GSTCD: variants seen among roughly 807,000 people sequenced by gnomAD.
The protein encoded by GSTCD is glutathione S-transferase C-terminal domain containing.
A neutral mutation model predicts 68.3 loss-of-function variants in GSTCD; 44 were observed. That is an observed-to-expected ratio of 0.64 (90% CI 0.51 to 0.83). The LOEUF (loss-of-function observed/expected upper bound fraction) is 0.83, where lower values mean the gene tolerates loss of function less well. Among genes scored for constraint, GSTCD ranks in the 40% least tolerant of loss-of-function variants. The probability of loss-of-function intolerance (pLI) is 0.00; values close to 1 mark genes in which losing one functional copy is unlikely to be tolerated. For missense variants in GSTCD, 739 were observed against 735.9 expected (o/e 1.00, Z -0.05); for synonymous variants, 273 against 255.2 (o/e 1.07, Z -0.67).
chr4:105,744,461 ATATT>A (rs1330389813), intron 5 of GSTCD, among the ~76,000 whole-genome samples: 2 of 152,154 alleles, frequency 1.3e-5, no homozygotes, highest in African/African-American at 4.8e-5. Flanking sequence ...TCATCCTTCT[ATATT>A]TATTAGTTGC....
intron 5 of GSTCD, chr4:105,746,331 T>G (rs1363269911): frequency 6.6e-6 from 1 of 152,072 alleles, no homozygotes. Flanking sequence ...TTTAGGTAAG[T>G]TAAGGATGAG....
intron 5 of GSTCD, among the ~76,000 whole-genome samples, chr4:105,801,125 G>T (rs1350324576): frequency 6.6e-6 from 1 of 152,082 alleles, no homozygotes; most frequent in African/African-American, 2.4e-5. Flanking sequence ...AAGGATACTT[G>T]TTTATAATAT....
At chr4:105,768,265 C>T (rs189822279) in intron 5 of GSTCD, among the ~76,000 whole-genome samples, 1,826 of 152,078 alleles carry the variant, frequency 0.012, 42 homozygotes, top group African/African-American at 0.042. Context: ...CTCCTGACCT[C>T]GTGATCCGCC....
chr4:105,843,098 G>C (rs1311924256), intron 11 of GSTCD, among the ~76,000 whole-genome samples: 2 of 152,140 alleles, frequency 1.3e-5, no homozygotes, highest in African/African-American at 4.8e-5. Context: ...TTCTTTGGCT[G>C]AGCACCAGAT....
At chr4:105,769,233 GCACAC>G (rs1311681323) in intron 5 of GSTCD, among the ~76,000 whole-genome samples, 2 of 146,230 alleles carry the variant, frequency 1.4e-5, no homozygotes, top group African/African-American at 5.1e-5. Context: ...ATACACGCGC[GCACAC>G]ACACACACAC....
At chr4:105,832,364 A>G (rs1165732714) in intron 8 of GSTCD, among the ~76,000 whole-genome samples, 2 of 152,216 alleles carry the variant, frequency 1.3e-5, no homozygotes, top group Middle Eastern at 3.4e-3. Context: ...TCGACCAAAA[A>G]CCTATTATTA....
intron 5 of GSTCD, among the ~76,000 whole-genome samples, chr4:105,799,929 C>T (rs1184844761): frequency 6.6e-6 from 1 of 151,834 alleles, no homozygotes; most frequent in Non-Finnish European, 1.5e-5. Context: ...ATTGAGTACA[C>T]ATAGACACAA....
chr4:105,765,455 G>A (rs1734568177), intron 5 of GSTCD, among the ~76,000 whole-genome samples: 1 of 152,160 alleles, frequency 6.6e-6, no homozygotes, highest in Non-Finnish European at 1.5e-5. Context: ...TTCATTTAGA[G>A]GTGCACCAGT....
intron 5 of GSTCD, among the ~76,000 whole-genome samples, chr4:105,733,492 A>G (rs1194121559): frequency 6.6e-6 from 1 of 152,214 alleles, no homozygotes; most frequent in Non-Finnish European, 1.5e-5. Context: ...CTGTTTTAAC[A>G]GAGACTAGGA....
intron 3 of GSTCD, among the ~76,000 whole-genome samples, chr4:105,722,764 T>G (rs963578390): frequency 6.6e-6 from 1 of 151,922 alleles, no homozygotes; most frequent in African/African-American, 2.4e-5. Flanking sequence ...GTTTTAAAAA[T>G]AGATCATCTT....
intron 5 of GSTCD, among the ~76,000 whole-genome samples, chr4:105,735,261 C>T (rs1462419628): frequency 6.6e-6 from 1 of 152,190 alleles, no homozygotes; most frequent in African/African-American, 2.4e-5. Flanking sequence ...CCGCTGTGCC[C>T]TGCCCCCAGA....
At chr4:105,827,650 A>C (rs1578516316) in intron 8 of GSTCD, among the ~76,000 whole-genome samples, 1 of 152,296 alleles carries the variant, frequency 6.6e-6, no homozygotes, top group East Asian at 1.9e-4. Flanking sequence ...ATACACACAA[A>C]AAAATTTAAA....
At chr4:105,811,693 GA>G (rs949223287) in intron 5 of GSTCD, among the ~76,000 whole-genome samples, 69 of 147,558 alleles carry the variant, frequency 4.7e-4, no homozygotes, top group Middle Eastern at 3.4e-3. Flanking sequence ...ATAAAAGAAA[GA>G]AAAAAAAAAT....
intron 5 of GSTCD, among the ~76,000 whole-genome samples, chr4:105,785,278 G>T (rs1001946113): frequency 9.2e-5 from 14 of 152,058 alleles, no homozygotes; most frequent in Admixed American, 9.2e-4. Flanking sequence ...AAAGAAAACA[G>T]AGTAGCATCT....
intron 1 of GSTCD, among the ~76,000 whole-genome samples, chr4:105,715,713 G>C (rs891552824): frequency 7.8e-6 from 1 of 127,902 alleles, no homozygotes; most frequent in East Asian, 2.1e-4. Flanking sequence ...AGAAAATTTA[G>C]TATGATGAAG....
In GSTCD at chr4:105,719,213, A is replaced by G. The variant is rs766270192; in HGVS notation, c.580A>G (p.Lys194Glu). Residue 194 changes from lysine to glutamate, a missense_variant, in exon 3 of 12, where the codon AAA becomes GAA. Physicochemically the swap from Lys to Glu is moderately conservative, Grantham distance 56 (BLOSUM62 1). Transcript: ENST00000515279. ...SEPVRVHNDD[K>E]LRRQKLKQQK... The stretch of plus-strand genomic sequence containing the variant: ...GCCTGTTAGAGTGCATAATGATGAT[A>G]AACTCCGCAGGCAGAAGCTCAAGCA... The G allele has an allele frequency of 6.2e-7, 1 of 1,614,094 alleles. No homozygotes were observed. Among genetic ancestry groups the G allele is most frequent in the Admixed American group, 1.7e-5 (1 of 59,994 alleles).
intron 5 of GSTCD, chr4:105,821,024 G>A (rs556646510): frequency 6.6e-6 from 1 of 151,814 alleles, no homozygotes; most frequent in African/African-American, 2.4e-5. Context: ...TCTACAAACA[G>A]AGCAAAGACA....
At chr4:105,789,430 A>C (rs1289921375) in intron 5 of GSTCD, among the ~76,000 whole-genome samples, 1 of 152,070 alleles carries the variant, frequency 6.6e-6, no homozygotes, top group Non-Finnish European at 1.5e-5. Context: ...ACAAGGCTCA[A>C]CTTGGAGAGG....
chr4:105,807,207 C>T (rs1203734311), intron 5 of GSTCD: 2 of 152,092 alleles, frequency 1.3e-5, no homozygotes, highest in Non-Finnish European at 1.5e-5. Context: ...CTGACATACA[C>T]ATTTTTCTTC....
Sources: allele counts gnomAD v4.1 joint callset (sites outside exome capture counted in the v4.1 genomes callset), GRCh38; gene constraint gnomAD v4.1.1; transcripts MANE v1.5; gene names NCBI Gene and HGNC (gene_info 2026-07-23, HGNC 2026-07-21).